The following ELF5 variants were observed in gnomAD, a reference collection of about 807,000 sequenced individuals.
ELF5 encodes the protein E74 like ETS transcription factor 5, also known as ETS-related transcription factor Elf-5.
Under a neutral mutation model 38.2 loss-of-function variants are expected in ELF5, and 31 were observed. That is an observed-to-expected ratio of 0.81 (90% CI 0.61 to 1.10). The LOEUF (loss-of-function observed/expected upper bound fraction) is 1.10, where lower values mean the gene tolerates loss of function less well. Among genes scored for constraint, ELF5 ranks in the 50% least tolerant of loss-of-function variants. The pLI is 0.00. For synonymous variants in ELF5, 121 were observed against 112.5 expected, an observed-to-expected ratio of 1.08 and a Z score of -0.48; for missense variants, 300 against 306.6, an observed-to-expected ratio of 0.98 and a Z score of 0.16.
intron 2 of ELF5, among the ~76,000 whole-genome samples, chr11:34,499,419 T>G (rs1485609236): frequency 6.6e-6 from 1 of 152,128 alleles, no homozygotes; most frequent in Non-Finnish European, 1.5e-5. Flanking sequence ...TTTTTTAATT[T>G]TGTAGGAACA....
chr11:34,486,733 G>C (rs1850006196), intron 4 of ELF5, among the ~76,000 whole-genome samples: 1 of 152,206 alleles, frequency 6.6e-6, no homozygotes. Flanking sequence ...AATGGAGCTA[G>C]AACAAGGATT....
chr11:34,493,820 G>A, intron 2 of ELF5, 108 bp from the exon 3 acceptor site: 1 of 943,216 alleles, frequency 1.1e-6, no homozygotes, highest in African/African-American at 1.6e-5. Flanking sequence ...CAGCCAATAA[G>A]TTGAAAGGGC....
intron 1 of ELF5, among the ~76,000 whole-genome samples, chr11:34,508,031 G>A (rs1850651882): frequency 1.3e-5 from 2 of 151,960 alleles, no homozygotes; most frequent in South Asian, 4.2e-4. Context: ...TAATTAAAAG[G>A]AAAACTTTAT....
In ELF5 at chr11:34,493,804, A is replaced by T. The variant is rs1438591172; in HGVS notation, c.122-92T>A. 2.7e-6 allele frequency: 3 copies of T among 1,102,754 alleles called. No individual in the cohort carries two copies. In the African/African-American group the frequency reaches 4.6e-5, roughly 17 times the overall value. The allele number at this position is 1,102,754 out of a possible 1,614,324, so 68.3% of individuals were successfully genotyped here. ...GATGCATCAGTTAAGTAACATCCTC[A>T]TTCCTCAGCCAATAAGTTGAAAGGG... On this transcript the variant is annotated intron_variant, in intron 2 of 6. Transcript: ENST00000257832.
Position 34,501,095 on chromosome 11 carries a change from C to T in ELF5, c.121+4534G>A, listed in dbSNP as rs145423148. Among the ~76,000 whole-genome samples, 483 of 152,348 alleles carry T rather than the reference C, an allele frequency of 3.2e-3. 4 individuals carry two copies. Among genetic ancestry groups the T allele is most frequent in the African/African-American group, 0.011 (451 of 41,580 alleles). On this transcript the variant is annotated intron_variant, in intron 2 of 6. Transcript: ENST00000257832. ...ACGGGTGTGACCCTTTTCAAGCTCA[C>T]GTAACCCGTAAGTGGCAGAGCTAGG...
intron 2 of ELF5, among the ~76,000 whole-genome samples, chr11:34,495,004 G>T (rs147972072): frequency 3.7e-4 from 57 of 152,294 alleles, no homozygotes; most frequent in African/African-American, 1.3e-3. Flanking sequence ...GACAGGTTTG[G>T]TCCCCCGTCC....
chr11:34,481,005 T>C (rs1590318085), intron 5 of ELF5, 38 bp from the exon 6 acceptor site: 6 of 1,400,262 alleles, frequency 4.3e-6, no homozygotes, highest in Non-Finnish European at 3.8e-6. Context: ...TTTACCATTG[T>C]TTTTTAAATT....
chr11:34,503,670 T>C (rs1475741361), intron 2 of ELF5, among the ~76,000 whole-genome samples: 1 of 152,150 alleles, frequency 6.6e-6, no homozygotes, highest in African/African-American at 2.4e-5. Flanking sequence ...CAGGCTGGTC[T>C]CCAATTCCTA....
At chr11:34,501,543 A>C (rs559211217) in intron 2 of ELF5, among the ~76,000 whole-genome samples, 1 of 152,206 alleles carries the variant, frequency 6.6e-6, no homozygotes, top group Non-Finnish European at 1.5e-5. Flanking sequence ...ATCTTTTAAA[A>C]ATATCATATG....
intron 4 of ELF5, among the ~76,000 whole-genome samples, chr11:34,488,746 CACTG>C (rs1590325889): frequency 3.3e-5 from 5 of 152,332 alleles, no homozygotes; most frequent in Admixed American, 6.5e-5. Flanking sequence ...TAGGTGAAGA[CACTG>C]ACCCCTGGAG....
In ELF5 at chr11:34,482,511, T is replaced by A; in HGVS notation, c.407-12A>T. ...GTTGGAATCAGCATCTGAAATAGAA[T>A]AATTTATAGCAGTGGAAAGGGATAT... On this transcript the variant is annotated splice_polypyrimidine_tract_variant and intron_variant, in intron 4 of 6. Coordinates refer to ENST00000257832, the MANE Select transcript of ELF5 (RefSeq NM_001422.4). The A allele has an allele frequency of 6.2e-7, 1 of 1,609,826 alleles. No homozygotes were observed. Among genetic ancestry groups the A allele is most frequent in the Non-Finnish European group, 8.5e-7 (1 of 1,178,050 alleles).
intron 1 of ELF5, among the ~76,000 whole-genome samples, chr11:34,513,073 CAG>C (rs1850803088): frequency 6.6e-6 from 1 of 152,220 alleles, no homozygotes; most frequent in Non-Finnish European, 1.5e-5. Flanking sequence ...CCACACACTG[CAG>C]AGTCTGACAA....
intron 2 of ELF5, among the ~76,000 whole-genome samples, chr11:34,503,464 A>G (rs1590339756): frequency 1.6e-5 from 2 of 123,914 alleles, no homozygotes. Flanking sequence ...CTGCTCCCCA[A>G]CCTTTTTTTT....
chr11:34,510,111 C>A (rs535182268), intron 1 of ELF5, among the ~76,000 whole-genome samples: 2 of 152,232 alleles, frequency 1.3e-5, no homozygotes, highest in South Asian at 4.1e-4. Flanking sequence ...CCTCTTTATA[C>A]CGGCCTACTC....
intron 2 of ELF5, among the ~76,000 whole-genome samples, chr11:34,502,512 C>T (rs1439792264): frequency 6.6e-6 from 1 of 152,368 alleles, no homozygotes; most frequent in East Asian, 1.9e-4. Context: ...AAGGCCCCTC[C>T]TGCTAATCCT....
intron 2 of ELF5, among the ~76,000 whole-genome samples, chr11:34,498,882 A>G (rs1222710122): frequency 6.6e-6 from 1 of 152,164 alleles, no homozygotes; most frequent in Non-Finnish European, 1.5e-5. Context: ...ACCTGAGGTC[A>G]GGAGTTCAAG....
intron 3 of ELF5, among the ~76,000 whole-genome samples, chr11:34,490,586 G>A (rs1850142390): frequency 6.6e-6 from 1 of 152,220 alleles, no homozygotes; most frequent in Non-Finnish European, 1.5e-5. Flanking sequence ...TGCAAGAAGT[G>A]CAAAGCTCTA....
chr11:34,489,288 C>T (rs1850097338), intron 4 of ELF5, among the ~76,000 whole-genome samples: 1 of 152,082 alleles, frequency 6.6e-6, no homozygotes, highest in African/African-American at 2.4e-5. Flanking sequence ...CTGTGTCTGC[C>T]CCTCCAGCTT....
intron 1 of ELF5, chr11:34,511,707 G>A (rs1850762650): frequency 9.4e-7 from 1 of 1,060,898 alleles, no homozygotes; most frequent in Non-Finnish European, 1.4e-6. Context: ...ACAAATCAGA[G>A]GCAGCAATAA....
Sources: allele counts gnomAD v4.1 joint callset (sites outside exome capture counted in the v4.1 genomes callset), GRCh38; gene constraint gnomAD v4.1.1; transcripts MANE v1.5; gene names NCBI Gene and HGNC (gene_info 2026-07-23, HGNC 2026-07-21).